Variants in SPMIP2 observed in about 807,000 individuals in gnomAD.
SPMIP2 encodes the protein protein SPMIP2.
chr4:158,986,002 A>G, the SPMIP2 span, among the ~76,000 whole-genome samples: 1 of 147,594 alleles, frequency 6.8e-6, no homozygotes, highest in East Asian at 2.0e-4. Flanking sequence ...AGACAAACAG[A>G]GAGCCAAATC....
chr4:158,959,437 A>G, the SPMIP2 span, among the ~76,000 whole-genome samples: 3 of 19,804 alleles, frequency 1.5e-4, no homozygotes. Flanking sequence ...ATTGCCCACT[A>G]AGGTATTTTT....
At chr4:159,039,675 A>C in the SPMIP2 span, among the ~76,000 whole-genome samples, 4 of 152,270 alleles carry the variant, frequency 2.6e-5, no homozygotes, top group African/African-American at 9.6e-5. Context: ...AGTGGTCTCC[A>C]TGAGCCACCA....
chr4:159,081,266 T>C, the SPMIP2 span, among the ~76,000 whole-genome samples: 1 of 152,122 alleles, frequency 6.6e-6, no homozygotes, highest in Non-Finnish European at 1.5e-5. Context: ...CTTGAACTCC[T>C]GACCTCAGGT....
At chr4:158,919,853 T>G in the SPMIP2 span, among the ~76,000 whole-genome samples, 1 of 152,204 alleles carries the variant, frequency 6.6e-6, no homozygotes, top group Admixed American at 6.5e-5. Flanking sequence ...TCCCTGTCAT[T>G]CTTTATACAC....
the SPMIP2 span, among the ~76,000 whole-genome samples, chr4:158,942,580 G>C: frequency 6.6e-6 from 1 of 152,128 alleles, no homozygotes; most frequent in Non-Finnish European, 1.5e-5. Flanking sequence ...AACCAGCCTG[G>C]CTAACATGAT....
At chr4:159,061,440 G>A in the SPMIP2 span, among the ~76,000 whole-genome samples, 1 of 151,954 alleles carries the variant, frequency 6.6e-6, no homozygotes, top group Admixed American at 6.6e-5. Flanking sequence ...ATGGTGGGTG[G>A]GAGACACATG....
chr4:158,894,167 TTTC>T, the SPMIP2 span, among the ~76,000 whole-genome samples: 9 of 128,686 alleles, frequency 7.0e-5, no homozygotes, highest in South Asian at 2.6e-3. Flanking sequence ...TAAAAAATGT[TTTC>T]TTTTTTTTTT....
chr4:159,042,289 T>C, the SPMIP2 span, among the ~76,000 whole-genome samples: 3 of 152,250 alleles, frequency 2.0e-5, no homozygotes, highest in African/African-American at 7.2e-5. Context: ...CTTCCCTCTT[T>C]GCTCTCTTCG....
chr4:159,045,145 G>A, the SPMIP2 span, among the ~76,000 whole-genome samples: 1 of 151,348 alleles, frequency 6.6e-6, no homozygotes, highest in East Asian at 1.9e-4. Flanking sequence ...CTGGAAAGTT[G>A]AGGATTTCAG....
At chr4:159,068,323 T>C in the SPMIP2 span, among the ~76,000 whole-genome samples, 2 of 152,170 alleles carry the variant, frequency 1.3e-5, no homozygotes, top group Non-Finnish European at 2.9e-5. Flanking sequence ...TGGAATACTA[T>C]GCAGCCGTAA....
At chr4:159,050,018 TAA>T in the SPMIP2 span, among the ~76,000 whole-genome samples, 1 of 152,210 alleles carries the variant, frequency 6.6e-6, no homozygotes, top group African/African-American at 2.4e-5. Flanking sequence ...ACGTTACTTT[TAA>T]AAATGTGCAT....
At chr4:158,947,057 G>A in the SPMIP2 span, among the ~76,000 whole-genome samples, 2 of 152,178 alleles carry the variant, frequency 1.3e-5, no homozygotes, top group Non-Finnish European at 2.9e-5. Flanking sequence ...AGCTGAGGGA[G>A]GGAGGAATAG....
At chr4:158,951,578 A>G in the SPMIP2 span, among the ~76,000 whole-genome samples, 1 of 152,238 alleles carries the variant, frequency 6.6e-6, no homozygotes, top group African/African-American at 2.4e-5. Flanking sequence ...GACTAAGTCA[A>G]AGAAATAGAT....
the SPMIP2 span, chr4:159,007,675 A>G: frequency 1.4e-6 from 1 of 727,034 alleles, no homozygotes; most frequent in Non-Finnish European, 2.4e-6. Flanking sequence ...GTAATGGACT[A>G]CTGGGTCTTG....
chr4:159,020,991 G>A, the SPMIP2 span, among the ~76,000 whole-genome samples: 1 of 152,172 alleles, frequency 6.6e-6, no homozygotes, highest in Non-Finnish European at 1.5e-5. Context: ...TCGATCTCCT[G>A]ACCTCGTGAT....
At chr4:159,023,822 G>A in the SPMIP2 span, among the ~76,000 whole-genome samples, 2 of 152,116 alleles carry the variant, frequency 1.3e-5, no homozygotes, top group African/African-American at 4.8e-5. Context: ...TCAAATTCCT[G>A]GCTCTGCCCT....
At chr4:158,911,677 T>C in the SPMIP2 span, among the ~76,000 whole-genome samples, 2 of 152,170 alleles carry the variant, frequency 1.3e-5, no homozygotes, top group African/African-American at 4.8e-5. Context: ...TCCTGGGAGC[T>C]TGACAGAAAT....
At chr4:158,958,573 G>C in the SPMIP2 span, among the ~76,000 whole-genome samples, 1 of 152,206 alleles carries the variant, frequency 6.6e-6, no homozygotes, top group East Asian at 1.9e-4. Flanking sequence ...TTGAACCCAG[G>C]AGATGCTGAA....
chr4:159,040,859 T>A, the SPMIP2 span, among the ~76,000 whole-genome samples: 1 of 152,198 alleles, frequency 6.6e-6, no homozygotes, highest in East Asian at 1.9e-4. Context: ...CAACAACTCG[T>A]CTGAGTAACA....
Sources: gnomAD v4.1 joint callset for allele counts (sites outside exome capture counted in the v4.1 genomes callset) on GRCh38, gnomAD v4.1.1 for gene constraint, MANE v1.5 for transcripts, NCBI Gene and HGNC (gene_info 2026-07-23, HGNC 2026-07-21) for gene names.